Variants in MAGI3 observed in about 807,000 individuals in gnomAD.
MAGI3 encodes the protein membrane associated guanylate kinase, WW and PDZ domain containing 3.
Under a neutral mutation model 121.8 loss-of-function variants are expected in MAGI3, and 43 were observed. The observed-to-expected ratio is 0.35, with a 90% CI of 0.28 to 0.46. The LOEUF (loss-of-function observed/expected upper bound fraction) is 0.46, where lower values mean the gene tolerates loss of function less well. Among genes scored for constraint, MAGI3 ranks in the 20% least tolerant of loss-of-function variants. The pLI is 1.00. For missense variants in MAGI3, 1,547 were observed against 1,797.3 expected, an observed-to-expected ratio of 0.86 and a Z score of 2.52; for synonymous variants, 553 against 639.3, an observed-to-expected ratio of 0.86 and a Z score of 2.04.
chr1:113,458,628 A>C (rs1016955522), intron 1 of MAGI3, among the ~76,000 whole-genome samples: 3 of 151,918 alleles, frequency 2.0e-5, no homozygotes, highest in African/African-American at 7.3e-5. Context: ...CTTCCACCCC[A>C]GGCTCCCAGG....
intron 1 of MAGI3, among the ~76,000 whole-genome samples, chr1:113,448,979 G>T (rs1179272246): frequency 6.6e-6 from 1 of 152,016 alleles, no homozygotes; most frequent in African/African-American, 2.4e-5. Context: ...TTAGCCCAGC[G>T]TGGTGGTGCA....
rs545310913 is a variant in MAGI3, at chr1:113,393,786, A to G, written c.316+2437A>G. Among the ~76,000 whole-genome samples the G allele has an allele frequency of 9.8e-5, 15 of 152,294 alleles. No individual in the cohort carries two copies. The East Asian group carries it at 2.7e-3, about 27-fold the overall frequency. On this transcript the variant is annotated intron_variant, in intron 1 of 20. Transcript: ENST00000307546. ...ATTTAAAAAGAAACTTGCCATAAAC[A>G]TTGTTTTATTTTTTGCTTTTATCTA... is the stretch of plus-strand genomic sequence containing the variant.
chr1:113,469,190 A>G (rs1432634320), intron 1 of MAGI3, among the ~76,000 whole-genome samples: 1 of 152,212 alleles, frequency 6.6e-6, no homozygotes, highest in African/African-American at 2.4e-5. Flanking sequence ...AATATTCCTC[A>G]TTTACAGGAA....
intron 1 of MAGI3, among the ~76,000 whole-genome samples, chr1:113,485,611 G>T (rs1458580627): frequency 1.3e-5 from 2 of 152,152 alleles, no homozygotes; most frequent in Non-Finnish European, 1.5e-5. Flanking sequence ...CACTCTGTGG[G>T]TTGTCAATTA....
chr1:113,475,893 C>T (rs758758581), intron 1 of MAGI3, among the ~76,000 whole-genome samples: 1 of 152,124 alleles, frequency 6.6e-6, no homozygotes, highest in Non-Finnish European at 1.5e-5. Context: ...TAATTTTTGC[C>T]TCAATTTCAG....
At chr1:113,510,954 T>G (rs1292561077) in intron 1 of MAGI3, among the ~76,000 whole-genome samples, 1 of 152,200 alleles carries the variant, frequency 6.6e-6, no homozygotes, top group Non-Finnish European at 1.5e-5. Context: ...ACCATAACAT[T>G]AATACATTAC....
At chr1:113,532,869 A>G (rs1439449767) in intron 1 of MAGI3, among the ~76,000 whole-genome samples, 3 of 152,210 alleles carry the variant, frequency 2.0e-5, no homozygotes, top group East Asian at 1.9e-4. Flanking sequence ...AAAGAGCTAC[A>G]AAGAATTGAT....
chr1:113,437,882 T>TCTTCCTCTTCC (rs1376069049), intron 1 of MAGI3, among the ~76,000 whole-genome samples: 6 of 2,522 alleles, frequency 2.4e-3, no homozygotes, highest in East Asian at 0.033. Flanking sequence ...CTTCTTCTCC[T>TCTTCCTCTTCC]TCTCCTTCTC....
intron 1 of MAGI3, among the ~76,000 whole-genome samples, chr1:113,520,090 T>C (rs752333457): frequency 1.3e-5 from 2 of 152,210 alleles, no homozygotes; most frequent in African/African-American, 4.8e-5. Context: ...TTGTGATGGC[T>C]AATATCCATA....
intron 1 of MAGI3, among the ~76,000 whole-genome samples, chr1:113,547,622 A>C (rs1301566295): frequency 1.3e-5 from 2 of 152,218 alleles, no homozygotes; most frequent in East Asian, 3.8e-4. Flanking sequence ...AAAAATACTT[A>C]ATGAATTCAT....
chr1:113,593,239 T>G (rs572183560), intron 5 of MAGI3, among the ~76,000 whole-genome samples: 77 of 152,364 alleles, frequency 5.1e-4, no homozygotes, highest in Non-Finnish European at 1.0e-3. Context: ...CTTGTTTACA[T>G]TCATTGTTAC....
chr1:113,579,719 A>G (rs1647887200), intron 2 of MAGI3, among the ~76,000 whole-genome samples: 1 of 152,176 alleles, frequency 6.6e-6, no homozygotes, highest in Non-Finnish European at 1.5e-5. Context: ...AGAAGTATTT[A>G]GAAATACTTA....
At chr1:113,437,876 T>TTCTTCTTCTTCC (rs1653688447) in intron 1 of MAGI3, among the ~76,000 whole-genome samples, 1 of 3,276 alleles carries the variant, frequency 3.1e-4, no homozygotes, top group Non-Finnish European at 5.4e-4. Context: ...CTTCTTCTTC[T>TTCTTCTTCTTCC]TCTCCTTCTC....
At chr1:113,581,710 A>T (rs571982286) in intron 3 of MAGI3, among the ~76,000 whole-genome samples, 3 of 152,184 alleles carry the variant, frequency 2.0e-5, no homozygotes, top group African/African-American at 7.2e-5. Context: ...CAGCTTTATC[A>T]TGTCTCTCTC....
At chr1:113,528,521 C>T (rs997839180) in intron 1 of MAGI3, among the ~76,000 whole-genome samples, 1 of 152,090 alleles carries the variant, frequency 6.6e-6, no homozygotes, top group Non-Finnish European at 1.5e-5. Context: ...CATCAAATGG[C>T]TATCAGATTA....
Position 113,550,971 on chromosome 1 carries a change from AGAAG to A in MAGI3, c.433+1341_433+1344del, listed in dbSNP as rs753851072. On this transcript the variant is annotated intron_variant, in intron 2 of 20. Transcript: ENST00000307546. ...CCTTCCCCAACAAGAAAAAAAAAAA[AGAAG>A]AAGAAGAAAAAGGAAAGGGACTCTC... Among the ~76,000 whole-genome samples, 4 of 134,718 alleles carry A rather than the reference AGAAG, an allele frequency of 3.0e-5. No homozygotes were observed. In the South Asian group the frequency reaches 6.7e-4, roughly 22 times the overall value. The allele number at this position is 134,718 out of a possible 152,430, so 88.4% of individuals were successfully genotyped here. A position where few individuals can be genotyped will look rare whatever the true frequency, so the allele number is the denominator to read the frequency against.
chr1:113,628,862 T>G (rs746270063), intron 9 of MAGI3, among the ~76,000 whole-genome samples: 40 of 152,174 alleles, frequency 2.6e-4, no homozygotes, highest in Non-Finnish European at 4.6e-4. Context: ...CTTTGACCTT[T>G]GGGAGTTTGA....
rs5777158 is a variant in MAGI3, at chr1:113,405,474, C to CAA, written c.316+14152_316+14153dup. Among the ~76,000 whole-genome samples the CAA allele has an allele frequency of 1.3e-3, 73 of 54,344 alleles. 2 individuals carry two copies. The highest frequency in any genetic ancestry group is 4.4e-3 in the South Asian group (4 of 912). The allele number at this position is 54,344 out of a possible 152,430, so 35.7% of individuals were successfully genotyped here. ...CCTGGGCAACAGAGTGAAACTGTCTCAAAAAAAAAAAAAAAAAAAAAAAAA... is the reference window on the plus strand; with the variant it reads ...CCTGGGCAACAGAGTGAAACTGTCTCAAAAAAAAAAAAAAAAAAAAAAAAAAA... On this transcript the variant is annotated intron_variant, in intron 1 of 20. Coordinates refer to ENST00000307546, the MANE Select transcript of MAGI3 (RefSeq NM_001142782.2).
rs188149482 is a variant in MAGI3, at chr1:113,537,354, G to A, written c.317-12161G>A. Among the ~76,000 whole-genome samples, 252 of 152,212 alleles carry A rather than the reference G, an allele frequency of 1.7e-3. 2 individuals are homozygous for A. Among genetic ancestry groups the A allele is most frequent in the Middle Eastern group, 0.014 (4 of 294 alleles). The stretch of plus-strand genomic sequence containing the variant: ...GGGTGAACTCATGGTGAATTAGAAG[G>A]TACTCTGCCACAGCTCATACACTTT... On this transcript the variant is annotated intron_variant, in intron 1 of 20. Transcript: ENST00000307546.
Sources: allele counts gnomAD v4.1 joint callset (sites outside exome capture counted in the v4.1 genomes callset), GRCh38; gene constraint gnomAD v4.1.1; transcripts MANE v1.5; gene names NCBI Gene and HGNC (gene_info 2026-07-23, HGNC 2026-07-21).